The following FILIP1 variants were observed in gnomAD, a reference collection of about 807,000 sequenced individuals.
FILIP1 encodes filamin-A-interacting protein 1.
A neutral mutation model predicts 102.1 loss-of-function variants in FILIP1; 61 were observed. That is an observed-to-expected ratio of 0.60 (90% confidence interval 0.49 to 0.74). The LOEUF (loss-of-function observed/expected upper bound fraction) is 0.74. Among genes scored for constraint, FILIP1 ranks in the 30% least tolerant of loss-of-function variants. FILIP1 has a pLI of 0.00. For missense variants in FILIP1, 1,314 were observed against 1,441.2 expected, an observed-to-expected ratio of 0.91 and a Z score of 1.43; for synonymous variants, 491 against 526.9, an observed-to-expected ratio of 0.93 and a Z score of 0.93.
intron 4 of FILIP1, among the ~76,000 whole-genome samples, chr6:75,339,980 G>C (rs933229087): frequency 1.3e-5 from 2 of 151,736 alleles, no homozygotes; most frequent in Non-Finnish European, 2.9e-5. Context: ...ATAATATAAA[G>C]TGTGTCCTGT....
At chr6:75,441,633 G>A (rs554279904) in intron 1 of FILIP1, among the ~76,000 whole-genome samples, 84 of 148,402 alleles carry the variant, frequency 5.7e-4, no homozygotes, top group Middle Eastern at 3.5e-3. Flanking sequence ...CCTCCCTCCC[G>A]GACGGGGCGG....
chr6:75,426,597 T>C (rs1052939069), intron 1 of FILIP1, among the ~76,000 whole-genome samples: 1 of 152,094 alleles, frequency 6.6e-6, no homozygotes, highest in African/African-American at 2.4e-5. Flanking sequence ...GCAGATGGCT[T>C]CAAGCAGTCA....
chr6:75,442,799 C>G (rs996648654), intron 1 of FILIP1, among the ~76,000 whole-genome samples: 3 of 152,140 alleles, frequency 2.0e-5, no homozygotes, highest in African/African-American at 7.2e-5. Flanking sequence ...TCTTCCCACT[C>G]TATTTCATAA....
intron 1 of FILIP1, among the ~76,000 whole-genome samples, chr6:75,484,445 ACT>A (rs1258005143): frequency 6.6e-6 from 1 of 151,706 alleles, no homozygotes; most frequent in Non-Finnish European, 1.5e-5. Context: ...CTTTTAAAGT[ACT>A]GTCTTTTAAA....
intron 2 of FILIP1, among the ~76,000 whole-genome samples, chr6:75,374,782 T>A (rs933892141): frequency 6.6e-6 from 1 of 152,192 alleles, no homozygotes; most frequent in African/African-American, 2.4e-5. Context: ...GTAAATGTAA[T>A]CCCCTCAACA....
At chr6:75,476,867 A>G (rs889100408) in intron 1 of FILIP1, among the ~76,000 whole-genome samples, 2 of 152,178 alleles carry the variant, frequency 1.3e-5, no homozygotes, top group Admixed American at 6.6e-5. Context: ...TCTGCTCCCT[A>G]GTGTCTGGTT....
At chr6:75,479,454 ACAT>A (rs2149775957) in intron 1 of FILIP1, among the ~76,000 whole-genome samples, 1 of 152,332 alleles carries the variant, frequency 6.6e-6, no homozygotes, top group South Asian at 2.1e-4. Context: ...TTGAAATAAT[ACAT>A]CTTCTTTTAA....
At chr6:75,309,676 G>GC (rs1773112382) in intron 5 of FILIP1, among the ~76,000 whole-genome samples, 1 of 152,054 alleles carries the variant, frequency 6.6e-6, no homozygotes, top group African/African-American at 2.4e-5. Context: ...AATATAACAT[G>GC]CCCCAAACAT....
At chr6:75,427,027 C>T (rs945470232) in intron 1 of FILIP1, among the ~76,000 whole-genome samples, 1 of 152,110 alleles carries the variant, frequency 6.6e-6, no homozygotes, top group African/African-American at 2.4e-5. Context: ...AAACTTCCCT[C>T]CCACTCCCCA....
At chr6:75,409,721 T>G (rs7451480) in intron 2 of FILIP1, among the ~76,000 whole-genome samples, 1 of 152,136 alleles carries the variant, frequency 6.6e-6, no homozygotes, top group Non-Finnish European at 1.5e-5. Context: ...ATTGCTCCTA[T>G]AGATAACACC....
In FILIP1 at chr6:75,313,077, C is replaced by G. The variant is rs757733034; in HGVS notation, c.2755G>C (p.Glu919Gln). The change falls in exon 5 of 6, where the codon GAG (glutamate) becomes CAG (glutamine). Residue 919 changes from glutamate (E) to glutamine (Q), a missense_variant. By Grantham distance (29) the Glu-to-Gln change is conservative (BLOSUM62 2). This residue lies in a region of FILIP1 where 816 missense variants were observed against 913.1 expected (regional missense o/e 0.89). Coordinates refer to ENST00000237172, the MANE Select transcript of FILIP1 (RefSeq NM_015687.5). This position sits in a 1 kb window ranked among gnomAD's most constrained non-coding sequence, Gnocchi z 4.2. ...ATCTCCAAAGTCGCAGTGCTGTTCT[C>G]GTGGTCTGGTGTCACTCGAATATGC... Reference protein sequence around the residue: ...PLHIRVTPDHENSTATLEITS... With the variant: ...PLHIRVTPDHQNSTATLEITS... 1.2e-6 allele frequency: 2 copies of G among 1,614,068 alleles called. No individual in the cohort carries two copies. Among genetic ancestry groups the G allele is most frequent in the African/African-American group, 1.3e-5 (1 of 74,914 alleles).
chr6:75,466,950 G>A (rs1779187715), intron 1 of FILIP1, among the ~76,000 whole-genome samples: 1 of 152,086 alleles, frequency 6.6e-6, no homozygotes, highest in African/African-American at 2.4e-5. Flanking sequence ...GATATCCAAG[G>A]CAGATTGTTA....
rs1366246828 is a variant in FILIP1 at position 75,314,103 on chromosome 6, C to T, written c.1729G>A (p.Gly577Ser). 1.1e-5 allele frequency: 16 copies of T among 1,505,238 alleles called. No homozygotes were observed. Among genetic ancestry groups the T allele is most frequent in the African/African-American group, 1.4e-5 (1 of 70,186 alleles). 93.2% of individuals were successfully genotyped at this position (1,505,238 alleles called of 1,614,324 possible). The change falls in exon 5 of 6, where the codon GGC becomes AGC. Residue 577 changes from glycine to serine, a missense_variant. Coordinates refer to ENST00000237172, the MANE Select transcript of FILIP1 (RefSeq NM_015687.5). ...NLTRERDELI[G>S]KLKSEEEKSS... ...TTTTCTTCTTCACTTTTCAATTTGC[C>T]TATCAACTCATCTCTTTCTCTTGTC...
At chr6:75,295,860 T>C in exon 7 of FILIP1, 8 of 1,269,686 alleles carry the variant, frequency 6.3e-6, no homozygotes, top group Non-Finnish European at 6.1e-6. Flanking sequence ...GTCCATTCAA[T>C]AGGGATTCAG....
At chr6:75,434,407 C>G (rs1398023284) in intron 1 of FILIP1, among the ~76,000 whole-genome samples, 1 of 152,168 alleles carries the variant, frequency 6.6e-6, no homozygotes, top group East Asian at 1.9e-4. Context: ...TCCTTCACAT[C>G]CCTTGTAAGT....
At chr6:75,486,762 TG>T (rs1349960268) in intron 1 of FILIP1, among the ~76,000 whole-genome samples, 1 of 152,166 alleles carries the variant, frequency 6.6e-6, no homozygotes, top group East Asian at 1.9e-4. Context: ...AAATCATCCA[TG>T]TAAAATGCTT....
chr6:75,328,742 C>T (rs1313479342), intron 4 of FILIP1, among the ~76,000 whole-genome samples: 2 of 145,586 alleles, frequency 1.4e-5, no homozygotes, highest in Non-Finnish European at 2.9e-5. Flanking sequence ...CCCACCTCAG[C>T]CTCCCAAAGT....
intron 1 of FILIP1, among the ~76,000 whole-genome samples, chr6:75,490,058 G>A (rs952552150): frequency 3.3e-5 from 5 of 152,036 alleles, no homozygotes; most frequent in African/African-American, 1.2e-4. Flanking sequence ...ATATCTTAAG[G>A]CATATGTTTT....
chr6:75,314,118 T>C lies in FILIP1; in HGVS notation c.1714A>G (p.Arg572Gly), dbSNP rs772737277. Residue 572 changes from arginine (R) to glycine (G), a missense_variant, in exon 5 of 6, where the codon AGA (arginine) becomes GGA (glycine). Arg to Gly is a moderately radical substitution (Grantham distance 125). Around this residue, in one of 3 missense-constraint regions of FILIP1, gnomAD observed 816 missense variants for 913.1 expected, o/e 0.89. Transcript: ENST00000237172. ...TTCAATTTGCCTATCAACTCATCTC[T>C]TTCTCTTGTCAAGTTGTATACTTTT... ...EEKVYNLTRE[R>G]DELIGKLKSE... The C allele has an allele frequency of 4.0e-6, 6 of 1,513,446 alleles. No homozygotes were observed. In the East Asian group the frequency reaches 1.4e-4, roughly 36 times the overall value. The allele number at this position is 1,513,446 out of a possible 1,614,324, so 93.8% of individuals were successfully genotyped here. A position where few individuals can be genotyped will look rare whatever the true frequency, so the allele number is the denominator to read the frequency against.
Sources: gnomAD v4.1 joint callset for allele counts (sites outside exome capture counted in the v4.1 genomes callset) on GRCh38, gnomAD v4.1.1 for gene constraint, gnomAD v4.1.1 regional missense constraint, Gnocchi (gnomAD v3.1) non-coding constraint, MANE v1.5 for transcripts, NCBI Gene and HGNC (gene_info 2026-07-23, HGNC 2026-07-21) for gene names.